The following GYPC variants were observed in gnomAD, a reference collection of about 807,000 sequenced individuals.
GYPC encodes glycophorin C (Gerbich blood group).
A neutral mutation model predicts 12.6 loss-of-function variants in GYPC; 14 were observed. That is an observed-to-expected ratio of 1.11 (90% CI 0.74 to 1.74). The LOEUF is 1.74. Ranked by LOEUF, GYPC falls within the 40% of genes most tolerant of loss-of-function variation. The probability of loss-of-function intolerance (pLI) is 0.00; values close to 1 mark genes in which losing one functional copy is unlikely to be tolerated. For missense variants in GYPC, 225 were observed against 172.1 expected (o/e 1.31, Z -1.72); for synonymous variants, 78 against 62.1 (o/e 1.26, Z -1.20).
chr2:126,671,625 T>G (rs896997738), intron 1 of GYPC, among the ~76,000 whole-genome samples: 1 of 152,222 alleles, frequency 6.6e-6, no homozygotes, highest in Non-Finnish European at 1.5e-5. Flanking sequence ...GAGTCCACAC[T>G]TCTGCTGACT....
chr2:126,695,243 T>C (rs1683607814), intron 3 of GYPC, among the ~76,000 whole-genome samples: 1 of 152,216 alleles, frequency 6.6e-6, no homozygotes, highest in South Asian at 2.1e-4. Flanking sequence ...TCTGGGACTT[T>C]CCTGGTTTTA....
At chr2:126,671,121 C>T (rs971954428) in intron 1 of GYPC, among the ~76,000 whole-genome samples, 1 of 152,176 alleles carries the variant, frequency 6.6e-6, no homozygotes, top group Non-Finnish European at 1.5e-5. Context: ...CAGGGAGGCC[C>T]ACTAACCTGG....
chr2:126,677,247 G>C (rs988983657), intron 1 of GYPC, among the ~76,000 whole-genome samples: 1 of 151,994 alleles, frequency 6.6e-6, no homozygotes, highest in Non-Finnish European at 1.5e-5. Flanking sequence ...GTGTGTAAGA[G>C]TATATGTGTA....
intron 1 of GYPC, among the ~76,000 whole-genome samples, chr2:126,662,267 A>C: frequency 6.6e-6 from 1 of 152,216 alleles, no homozygotes; most frequent in East Asian, 1.9e-4. Flanking sequence ...CTTCTCCTGT[A>C]TTCACCGGGC....
At position 126,696,504 on chromosome 2, in the gene GYPC, G is replaced by A; in HGVS notation, c.*362G>A. The A allele has an allele frequency of 2.8e-6, 1 of 351,560 alleles. No homozygotes were observed. The highest frequency in any genetic ancestry group is 2.4e-5 in the South Asian group (1 of 41,960). 21.8% of individuals were successfully genotyped at this position (351,560 alleles called of 1,614,324 possible). A position where few individuals can be genotyped will look rare whatever the true frequency, so the allele number is the denominator to read the frequency against. On this transcript the variant is annotated 3_prime_UTR_variant, in exon 4 of 4. Transcript: ENST00000259254. ...GGGGGTGCTGGGGTACCCGGGGGCTGGGGAAGCAAGGAAATAAGTCATCTG... is the reference window on the plus strand; with the variant it reads ...GGGGGTGCTGGGGTACCCGGGGGCTAGGGAAGCAAGGAAATAAGTCATCTG...
intron 1 of GYPC, among the ~76,000 whole-genome samples, chr2:126,685,104 A>T (rs1683250224): frequency 6.6e-6 from 1 of 152,184 alleles, no homozygotes; most frequent in Admixed American, 6.5e-5. Context: ...TCCGGAAGCA[A>T]TGATAGCCAG....
intron 1 of GYPC, among the ~76,000 whole-genome samples, chr2:126,670,999 T>A (rs1682838835): frequency 6.6e-6 from 1 of 152,196 alleles, no homozygotes; most frequent in South Asian, 2.1e-4. Context: ...GACTCTCTGA[T>A]GGCACAACTT....
At chr2:126,692,479 G>GCTTCA (rs1683501330) in intron 2 of GYPC, among the ~76,000 whole-genome samples, 6 of 152,192 alleles carry the variant, frequency 3.9e-5, no homozygotes, top group African/African-American at 1.4e-4. Flanking sequence ...GATTATCTGA[G>GCTTCA]TGGAAATGAC....
chr2:126,685,472 C>A (rs1393595709), intron 1 of GYPC, among the ~76,000 whole-genome samples: 1 of 152,018 alleles, frequency 6.6e-6, no homozygotes, highest in Non-Finnish European at 1.5e-5. Flanking sequence ...ACAACCTCCA[C>A]CTCCCAGGTT....
intron 1 of GYPC, among the ~76,000 whole-genome samples, chr2:126,688,229 G>A (rs1489100560): frequency 6.6e-6 from 1 of 152,206 alleles, no homozygotes; most frequent in Admixed American, 6.5e-5. Context: ...ACTGTCATAA[G>A]AAATGCTGGT....
chr2:126,679,164 A>C (rs1683091998), intron 1 of GYPC, among the ~76,000 whole-genome samples: 1 of 152,250 alleles, frequency 6.6e-6, no homozygotes, highest in African/African-American at 2.4e-5. Context: ...TCTGGGGAGC[A>C]GGTACCTCGA....
At chr2:126,663,749 A>T (rs1682604087) in intron 1 of GYPC, among the ~76,000 whole-genome samples, 1 of 152,130 alleles carries the variant, frequency 6.6e-6, no homozygotes, top group Non-Finnish European at 1.5e-5. Context: ...GTGCACTCTA[A>T]GCTCCTCTCA....
rs1238854340 is a variant in GYPC at position 126,677,277 on chromosome 2, GAGAGTGTGTGAGTGTGTT to G, written c.50-12960_50-12943del. Among the ~76,000 whole-genome samples, 72 of 151,964 alleles carry G rather than the reference GAGAGTGTGTGAGTGTGTT, an allele frequency of 4.7e-4. 1 individual carries two copies. The highest frequency in any genetic ancestry group is 4.4e-4 in the Non-Finnish European group (30 of 67,962). Reference sequence around the variant, plus strand: ...TGTGTATAAGTGTGTGAGTGCATGTGAGAGTGTGTGAGTGTGTTAGAGTGTGTGAGTGTGTGTGAGAAT... The same window carrying G: ...TGTGTATAAGTGTGTGAGTGCATGTGAGAGTGTGTGAGTGTGTGTGAGAAT... On this transcript the variant is annotated intron_variant, in intron 1 of 3. Transcript: ENST00000259254.
chr2:126,686,628 T>C, intron 1 of GYPC: 1 of 982,956 alleles, frequency 1.0e-6, no homozygotes, highest in Middle Eastern at 5.2e-4. Flanking sequence ...AGCCTGAACG[T>C]GTGGAGCTTC....
intron 1 of GYPC, among the ~76,000 whole-genome samples, chr2:126,666,963 C>T (rs28387111): frequency 0.07 from 10,592 of 152,264 alleles, 461 homozygotes; most frequent in Non-Finnish European, 0.1. Context: ...CTGCCTACAA[C>T]ATCTTTTGGC....
intron 1 of GYPC, among the ~76,000 whole-genome samples, chr2:126,684,685 G>A (rs1683238035): frequency 6.6e-6 from 1 of 152,188 alleles, no homozygotes; most frequent in Non-Finnish European, 1.5e-5. Flanking sequence ...TAACGGTGGA[G>A]CATATGGCTG....
At chr2:126,666,746 CACACACACACAT>C (rs753936444) in intron 1 of GYPC, among the ~76,000 whole-genome samples, 42 of 104,020 alleles carry the variant, frequency 4.0e-4, no homozygotes, top group African/African-American at 1.2e-3. Context: ...CACACACACA[CACACACACACAT>C]ATGCACGCAC....
intron 1 of GYPC, among the ~76,000 whole-genome samples, chr2:126,689,301 C>A (rs1191806279): frequency 1.3e-5 from 2 of 152,170 alleles, no homozygotes; most frequent in Non-Finnish European, 2.9e-5. Flanking sequence ...TGATCATGGG[C>A]ACATCACGTC....
intron 1 of GYPC, among the ~76,000 whole-genome samples, chr2:126,688,807 G>C (rs556339020): frequency 6.6e-6 from 1 of 152,228 alleles, no homozygotes; most frequent in Admixed American, 6.5e-5. Context: ...TAAGAAAGAG[G>C]CATCTGGCAG....
Sources: allele counts gnomAD v4.1 joint callset (sites outside exome capture counted in the v4.1 genomes callset), GRCh38; gene constraint gnomAD v4.1.1; transcripts MANE v1.5; gene names NCBI Gene and HGNC (gene_info 2026-07-23, HGNC 2026-07-21).